Variants in SLC39A7 observed in about 807,000 individuals in gnomAD.
SLC39A7 encodes zinc transporter SLC39A7.
Under a neutral mutation model 39.7 loss-of-function variants are expected in SLC39A7, and 25 were observed. That is an observed-to-expected ratio of 0.63 (90% CI 0.46 to 0.88). The LOEUF (loss-of-function observed/expected upper bound fraction) is 0.88, where lower values mean the gene tolerates loss of function less well. Among genes scored for constraint, SLC39A7 ranks in the 40% least tolerant of loss-of-function variants. SLC39A7 has a pLI of 0.00. For synonymous variants in SLC39A7, 181 were observed against 234.1 expected, an observed-to-expected ratio of 0.77 and a Z score of 2.07; for missense variants, 501 against 592.1, an observed-to-expected ratio of 0.85 and a Z score of 1.60.
rs2150686367 is a variant in SLC39A7, at chr6:33,202,894, TCTTGTC to T, written c.941-13_941-8del. The T allele has an allele frequency of 6.2e-7, 1 of 1,600,632 alleles. No individual in the cohort carries two copies. The highest frequency in any genetic ancestry group is 8.5e-7 in the Non-Finnish European group (1 of 1,176,746). ...ATGGAAGCCTCTGATCATTTTCTCT[TCTTGTC>T]CTGTACAAGACCTGCGTGTGTCGGG... On this transcript the variant is annotated splice_polypyrimidine_tract_variant and intron_variant, in intron 5 of 6. Transcript: ENST00000374677.
At chr6:33,203,412 C>T in intron 6 of SLC39A7, 129 bp from the exon 7 acceptor site, 3 of 980,982 alleles carry the variant, frequency 3.1e-6, no homozygotes, top group Non-Finnish European at 4.5e-6. Context: ...ACTGCTCCCT[C>T]TTCTCTTTTT....
chr6:33,203,107 G>T lies in SLC39A7; in HGVS notation c.1137+1G>T. 6.3e-7 allele frequency: 1 copy of T among 1,581,272 alleles called. No homozygotes were observed. Reference sequence around the variant, plus strand: ...CCAGTCTGGCTGCAGCAAAAAGCAGGTTGGTGATGTCTGCCAAACACAGCT... The same window carrying T: ...CCAGTCTGGCTGCAGCAAAAAGCAGTTTGGTGATGTCTGCCAAACACAGCT... On this transcript the variant is annotated splice_donor_variant, in intron 6 of 6. Coordinates refer to ENST00000374677, the MANE Select transcript of SLC39A7 (RefSeq NM_006979.3). LOFTEE classifies it high-confidence loss of function.
At chr6:33,203,317 C>G (rs1774761012) in intron 6 of SLC39A7, among the ~76,000 whole-genome samples, 1 of 152,230 alleles carries the variant, frequency 6.6e-6, no homozygotes. Flanking sequence ...TTAGTGGAGT[C>G]TTACACACAC....
chr6:33,202,938 G>T lies in SLC39A7; in HGVS notation c.969G>T (p.Leu323=). ...LDLRVSGYLN[L]AADLAHNFTD... ...TGCGTGTGTCGGGGTACCTGAATCT[G>T]GCTGCTGACTTGGCACACAACTTCA... The change falls in exon 6 of 7, where the codon CTG becomes CTT. Residue 323 remains leucine (L), a synonymous_variant. Transcript: ENST00000374677. 1 of 1,611,506 alleles carries T rather than the reference G, an allele frequency of 6.2e-7. No individual in the cohort carries two copies. The highest frequency in any genetic ancestry group is 8.5e-7 in the Non-Finnish European group (1 of 1,179,578).
rs371576530 is a variant in SLC39A7 at position 33,202,324 on chromosome 6, C to T, written c.696C>T (p.Val232=). The T allele has an allele frequency of 1.2e-5, 20 of 1,612,760 alleles. No homozygotes were observed. In the East Asian group the frequency reaches 1.3e-4, roughly 11 times the overall value. ...WVLSGIVAFL[V]VEKFVRHVKG... ...TCAGTGGAATTGTTGCCTTTCTTGT[C>T]GTGGAGAAATTTGTGAGACATGTGA... is the stretch of plus-strand genomic sequence containing the variant. Residue 232 remains valine, a synonymous_variant, in exon 4 of 7, where the codon GTC becomes GTT. Transcript: ENST00000374677.
At position 33,201,156 on chromosome 6, in the gene SLC39A7, A is replaced by G. The variant is rs1774508861; in HGVS notation, c.-90A>G. The G allele has an allele frequency of 1.6e-6, 2 of 1,285,260 alleles. No individual in the cohort carries two copies. Among genetic ancestry groups the G allele is most frequent in the Non-Finnish European group, 1.1e-6 (1 of 922,436 alleles). 79.6% of individuals were successfully genotyped at this position (1,285,260 alleles called of 1,614,324 possible). On this transcript the variant is annotated 5_prime_UTR_variant, in exon 1 of 7. Coordinates refer to ENST00000374677, the MANE Select transcript of SLC39A7 (RefSeq NM_006979.3). The surrounding 1 kb of genome is among the most constrained non-coding windows in gnomAD (Gnocchi z 5.9). ...ATGGGAGAGCGGCCCATAGAGGTGG[A>G]CGGAGGGCGCGATTGGAGTAAAGCG...
chr6:33,203,534 C>T lies in SLC39A7; in HGVS notation c.1138-7C>T, dbSNP rs1774783265. On this transcript the variant is annotated splice_polypyrimidine_tract_variant and splice_region_variant and intron_variant, in intron 6 of 6. Transcript: ENST00000374677. ...GTGAGTGCCTTTTTCTCTTTTCTGC[C>T]CATCAGGCGATGCGTCTGCAACTAC... 1 of 1,613,836 alleles carries T rather than the reference C, an allele frequency of 6.2e-7. No individual in the cohort carries two copies. The highest frequency in any genetic ancestry group is 1.3e-5 in the African/African-American group (1 of 75,042).
Position 33,201,283 on chromosome 6 carries a change from T to C in SLC39A7, c.38T>C (p.Val13Ala). ...RGLGAPHWVAVGLLTWATLGL... is the reference protein window; with the variant it reads ...RGLGAPHWVAAGLLTWATLGL... ...CTGGGGGCCCCCCACTGGGTGGCCG[T>C]GGGACTGCTGACCTGGGCGACCTTG... The change falls in exon 1 of 7, where the codon GTG becomes GCG. Residue 13 changes from valine (V) to alanine (A), a missense_variant. By Grantham distance (64) the Val-to-Ala change is moderately conservative (BLOSUM62 0). Transcript: ENST00000374677. The surrounding 1 kb of genome is among the most constrained non-coding windows in gnomAD (Gnocchi z 5.9). 1 of 1,613,562 alleles carries C rather than the reference T, an allele frequency of 6.2e-7. No individual in the cohort carries two copies. The highest frequency in any genetic ancestry group is 1.1e-5 in the South Asian group (1 of 91,052).
Position 33,201,644 on chromosome 6 carries a change from T to C in SLC39A7, c.399T>C (p.Thr133=). ...PGIKQDLDAV[T]LWAYALGATV... ...TCAAGCAGGACCTGGATGCTGTCAC[T>C]CTCTGGGCTTATGTGAGTCTCCAGG... The change falls in exon 1 of 7, where the codon ACT becomes ACC. Residue 133 remains threonine (T), a synonymous_variant. Transcript: ENST00000374677. This position sits in a 1 kb window ranked among gnomAD's most constrained non-coding sequence, Gnocchi z 5.9. 6.2e-7 allele frequency: 1 copy of C among 1,610,926 alleles called. No homozygotes were observed. Among genetic ancestry groups the C allele is most frequent in the Non-Finnish European group, 8.5e-7 (1 of 1,177,796 alleles).
rs1472695602 is a variant in SLC39A7, at chr6:33,202,633, A to G, written c.873A>G (p.Gly291=). Residue 291 remains glycine, a synonymous_variant, in exon 5 of 7, where the codon GGA becomes GGG. Coordinates refer to ENST00000374677, the MANE Select transcript of SLC39A7 (RefSeq NM_006979.3). ...CAAGAGGGGTTCAGAAGAGGCGAGG[A>G]GGGAGCACAGTACCCAAAGATGGGC... The part of the protein sequence containing the change: ...KETRGVQKRR[G]GSTVPKDGPV... 1 of 1,611,816 alleles carries G rather than the reference A, an allele frequency of 6.2e-7. No homozygotes were observed. Among genetic ancestry groups the G allele is most frequent in the African/African-American group, 1.3e-5 (1 of 74,868 alleles).
In SLC39A7 at chr6:33,202,947, C is replaced by T. The variant is rs1172780077; in HGVS notation, c.978C>T (p.Asp326=). Residue 326 remains aspartate, a synonymous_variant, in exon 6 of 7, where the codon GAC becomes GAT. Transcript: ENST00000374677. The part of the protein sequence containing the change: ...RVSGYLNLAA[D]LAHNFTDGLA... ...CGGGGTACCTGAATCTGGCTGCTGA[C>T]TTGGCACACAACTTCACTGATGGTC... The T allele has an allele frequency of 1.2e-6, 2 of 1,611,936 alleles. No homozygotes were observed. Among genetic ancestry groups the T allele is most frequent in the South Asian group, 2.2e-5 (2 of 91,022 alleles).
At position 33,204,077 on chromosome 6, in the gene SLC39A7, C is replaced by G. The variant is rs116902687; in HGVS notation, c.*264C>G. On this transcript the variant is annotated 3_prime_UTR_variant, in exon 7 of 7. Transcript: ENST00000374677. ...AGGCTAAATGGGGCCATGAAGAAGGCTGGAAGGGACAGGGGGTGATGGCAG... is the reference window on the plus strand; with the variant it reads ...AGGCTAAATGGGGCCATGAAGAAGGGTGGAAGGGACAGGGGGTGATGGCAG... The G allele has an allele frequency of 3.3e-3, 1,932 of 583,784 alleles. 114 individuals are homozygous for G. The highest frequency in any genetic ancestry group is 0.027 in the East Asian group (932 of 35,112). The allele number at this position is 583,784 out of a possible 1,614,324, so 36.2% of individuals were successfully genotyped here. A position where few individuals can be genotyped will look rare whatever the true frequency, so the allele number is the denominator to read the frequency against.
In SLC39A7 at chr6:33,203,724, A is replaced by C. The variant is rs1385112810; in HGVS notation, c.1321A>C (p.Arg441=). Residue 441 remains arginine, a synonymous_variant, in exon 7 of 7, where the codon AGG becomes CGG. Transcript: ENST00000374677. ...ATVSVLPELL[R]EASPLQSLLE... ...AGTGTCTGTGTTGCCCGAGCTGCTG[A>C]GGGAGGCATCACCATTGCAATCACT... 2 of 1,614,062 alleles carry C rather than the reference A, an allele frequency of 1.2e-6. No individual in the cohort carries two copies. The highest frequency in any genetic ancestry group is 1.7e-6 in the Non-Finnish European group (2 of 1,180,038).
chr6:33,202,824 G>C, intron 5 of SLC39A7, 86 bp from the exon 6 acceptor site: 2 of 1,561,188 alleles, frequency 1.3e-6, no homozygotes, highest in Non-Finnish European at 1.7e-6. Context: ...AGTGGTCTCT[G>C]AGGGGAGGTG....
In SLC39A7 at chr6:33,201,530, C is replaced by T; in HGVS notation, c.285C>T (p.Gly95=). 1.2e-6 allele frequency: 2 copies of T among 1,614,006 alleles called. No individual in the cohort carries two copies. The highest frequency in any genetic ancestry group is 1.6e-4 in the Middle Eastern group (1 of 6,062). ...HEDLHHGHSH[G]YSHESLYHRG... is the part of the protein sequence containing the mutation. ...ATTTACACCATGGCCATAGCCATGG[C>T]TACTCCCATGAGAGCCTCTACCACA... The change falls in exon 1 of 7, where the codon GGC becomes GGT. Residue 95 remains glycine, a synonymous_variant. Transcript: ENST00000374677. This position sits in a 1 kb window ranked among gnomAD's most constrained non-coding sequence, Gnocchi z 5.9.
chr6:33,203,881 G>A lies in SLC39A7; in HGVS notation c.*68G>A. 2.0e-6 allele frequency: 3 copies of A among 1,520,634 alleles called. No homozygotes were observed. The highest frequency in any genetic ancestry group is 1.8e-6 in the Non-Finnish European group (2 of 1,104,508). The allele number at this position is 1,520,634 out of a possible 1,614,324, so 94.2% of individuals were successfully genotyped here. On this transcript the variant is annotated 3_prime_UTR_variant, in exon 7 of 7. Transcript: ENST00000374677. Reference sequence around the variant, plus strand: ...TCCAGGTCAGGGGTGCGTAGAGGTTGGGGGCCCTGGCCAGGGACATCTGCC... The same window carrying A: ...TCCAGGTCAGGGGTGCGTAGAGGTTAGGGGCCCTGGCCAGGGACATCTGCC...
chr6:33,202,391 A>G lies in SLC39A7; in HGVS notation c.763A>G (p.Ser255Gly). Reference protein sequence around the residue: ...GHSHGHGHAHSHTRGSHGHGR... With the variant: ...GHSHGHGHAHGHTRGSHGHGR... ...CAGTCATGGACATGGACACGCTCAC[A>G]GTCATACACGTGGAAGTCATGGACA... is the stretch of plus-strand genomic sequence containing the variant. The change falls in exon 4 of 7, where the codon AGT (serine) becomes GGT (glycine). Residue 255 changes from serine (S) to glycine (G), a missense_variant. By Grantham distance (56) the Ser-to-Gly change is moderately conservative. Transcript: ENST00000374677. 1.2e-6 allele frequency: 2 copies of G among 1,612,784 alleles called. No homozygotes were observed. The highest frequency in any genetic ancestry group is 1.7e-6 in the Non-Finnish European group (2 of 1,179,746).
rs1363627352 is a variant in SLC39A7, at chr6:33,204,251, C to T, written c.*438C>T. On this transcript the variant is annotated 3_prime_UTR_variant, in exon 7 of 7. Coordinates refer to ENST00000374677, the MANE Select transcript of SLC39A7 (RefSeq NM_006979.3). Reference sequence around the variant, plus strand: ...GGACAGAGAGGGTAACAGGAGGAGTCGGGGATAAACATCAAACATCAATCG... The same window carrying T: ...GGACAGAGAGGGTAACAGGAGGAGTTGGGGATAAACATCAAACATCAATCG... 13 of 465,952 alleles carry T rather than the reference C, an allele frequency of 2.8e-5. No homozygotes were observed. Among genetic ancestry groups the T allele is most frequent in the Non-Finnish European group, 3.9e-5 (10 of 256,722 alleles). The allele number at this position is 465,952 out of a possible 1,614,324, so 28.9% of individuals were successfully genotyped here. A position where few individuals can be genotyped will look rare whatever the true frequency, so the allele number is the denominator to read the frequency against.
At chr6:33,202,222 A>G (rs1273246140) in intron 3 of SLC39A7, 41 bp from the exon 4 acceptor site, 5 of 1,600,850 alleles carry the variant, frequency 3.1e-6, no homozygotes, top group Non-Finnish European at 4.3e-6. Flanking sequence ...AGGAGTCTGG[A>G]ATGCACATCT....
Sources: gnomAD v4.1 joint callset for allele counts (sites outside exome capture counted in the v4.1 genomes callset) on GRCh38, gnomAD v4.1.1 for gene constraint, Gnocchi (gnomAD v3.1) non-coding constraint, MANE v1.5 for transcripts, NCBI Gene and HGNC (gene_info 2026-07-23, HGNC 2026-07-21) for gene names.